The following EVA1C variants were observed in gnomAD, a reference collection of about 807,000 sequenced individuals.
EVA1C encodes the protein protein eva-1 homolog C.
A neutral mutation model predicts 45.4 loss-of-function variants in EVA1C; 25 were observed. The observed-to-expected ratio is 0.55, with a 90% confidence interval of 0.40 to 0.77. The LOEUF is 0.77. Ranked by LOEUF, EVA1C falls within the 30% of genes least tolerant of loss-of-function variation. EVA1C has a pLI of 0.00. For synonymous variants in EVA1C, 190 were observed against 221.2 expected, an observed-to-expected ratio of 0.86 and a Z score of 1.25; for missense variants, 479 against 554.8, an observed-to-expected ratio of 0.86 and a Z score of 1.37.
At chr21:32,429,752 C>T (rs2146150549) in intron 1 of EVA1C, among the ~76,000 whole-genome samples, 1 of 152,132 alleles carries the variant, frequency 6.6e-6, no homozygotes, top group East Asian at 1.9e-4. Flanking sequence ...ATAATGTAAT[C>T]CACATGTGTA....
chr21:32,504,881 G>A (rs1413747813), intron 7 of EVA1C, among the ~76,000 whole-genome samples: 1 of 151,860 alleles, frequency 6.6e-6, no homozygotes, highest in African/African-American at 2.4e-5. Context: ...AAGGAAAGAG[G>A]TTTAATGGAC....
chr21:32,480,022 A>G (rs962566294), intron 4 of EVA1C, among the ~76,000 whole-genome samples: 8 of 152,158 alleles, frequency 5.3e-5, no homozygotes, highest in East Asian at 1.9e-4. Flanking sequence ...GATGTTTGGA[A>G]TACCCTTTAA....
chr21:32,434,254 C>A (rs1209581860), intron 1 of EVA1C, among the ~76,000 whole-genome samples: 1 of 151,358 alleles, frequency 6.6e-6, no homozygotes, highest in Non-Finnish European at 1.5e-5. Context: ...CAAGATCGCA[C>A]CACTGCACTC....
At position 32,482,854 on chromosome 21, in the gene EVA1C, C is replaced by CTT. The variant is rs774611494; in HGVS notation, c.635-12153_635-12152dup. On this transcript the variant is annotated intron_variant, in intron 4 of 7. Transcript: ENST00000300255. Reference sequence around the variant, plus strand: ...GGTGGTCACATCCCAGTGTTATTCCCTTTTTTTTTTTTTTTTTTTTTGGAG... The same window carrying CTT: ...GGTGGTCACATCCCAGTGTTATTCCCTTTTTTTTTTTTTTTTTTTTTTTGGAG... Among the ~76,000 whole-genome samples the CTT allele has an allele frequency of 9.0e-3, 549 of 60,876 alleles. 3 individuals carry two copies. Among genetic ancestry groups the CTT allele is most frequent in the Middle Eastern group, 0.036 (4 of 110 alleles). 39.9% of individuals were successfully genotyped at this position (60,876 alleles called of 152,430 possible).
intron 1 of EVA1C, among the ~76,000 whole-genome samples, chr21:32,437,990 G>T (rs768479414): frequency 4.6e-5 from 7 of 152,110 alleles, no homozygotes; most frequent in Non-Finnish European, 1.0e-4. Flanking sequence ...GGTCTTTCCT[G>T]TTTCCGCTCT....
intron 3 of EVA1C, among the ~76,000 whole-genome samples, chr21:32,465,287 A>C (rs1269040048): frequency 6.6e-6 from 1 of 152,180 alleles, no homozygotes; most frequent in Non-Finnish European, 1.5e-5. Flanking sequence ...CAGGAAAGAA[A>C]AGTGGAAGAA....
chr21:32,466,814 A>C (rs1207429200), intron 3 of EVA1C, among the ~76,000 whole-genome samples: 1 of 138,776 alleles, frequency 7.2e-6, no homozygotes, highest in Admixed American at 7.8e-5. Context: ...GTATCATACC[A>C]TCTTTCTTGC....
At chr21:32,446,862 C>T (rs2146222613) in intron 1 of EVA1C, among the ~76,000 whole-genome samples, 1 of 152,242 alleles carries the variant, frequency 6.6e-6, no homozygotes, top group South Asian at 2.1e-4. Context: ...CCTGCAAATC[C>T]ACCTTGAAAT....
At position 32,500,190 on chromosome 21, in the gene EVA1C, ATTTTTTTT is replaced by A. The variant is rs538897939; in HGVS notation, c.779-1207_779-1200del. 1.8e-3 allele frequency among the ~76,000 whole-genome samples: 165 copies of A among 91,098 alleles called. 4 individuals carry two copies. In the South Asian group the frequency reaches 0.05, roughly 28 times the overall value. 59.8% of individuals were successfully genotyped at this position (91,098 alleles called of 152,430 possible). On this transcript the variant is annotated intron_variant, in intron 5 of 7. Transcript: ENST00000300255. ...GCTCATCTTCAGAGTTAACCACCCT[ATTTTTTTT>A]TTTTTTTTTTTTTTTTTGAGATAGA...
intron 5 of EVA1C, among the ~76,000 whole-genome samples, chr21:32,496,138 C>T (rs774258488): frequency 5.9e-5 from 9 of 152,160 alleles, no homozygotes; most frequent in Admixed American, 2.0e-4. Flanking sequence ...TAGCAGTCAG[C>T]CCACCAAATC....
At chr21:32,489,097 G>A (rs1446022694) in intron 4 of EVA1C, among the ~76,000 whole-genome samples, 4 of 152,190 alleles carry the variant, frequency 2.6e-5, no homozygotes, top group African/African-American at 9.7e-5. Context: ...TTGTGCAGAA[G>A]CTTTTTAGCT....
chr21:32,473,475 T>A (rs1436065849), intron 4 of EVA1C, among the ~76,000 whole-genome samples: 1 of 152,194 alleles, frequency 6.6e-6, no homozygotes, highest in Non-Finnish European at 1.5e-5. Context: ...AAAAGCACAC[T>A]GTTTTGACCT....
intron 4 of EVA1C, among the ~76,000 whole-genome samples, chr21:32,478,341 C>A (rs1048147638): frequency 6.6e-6 from 1 of 152,162 alleles, no homozygotes; most frequent in African/African-American, 2.4e-5. Flanking sequence ...GCCTCAGCCT[C>A]CCAAGTAGTT....
At chr21:32,424,221 A>G (rs927985720) in intron 1 of EVA1C, among the ~76,000 whole-genome samples, 2 of 152,108 alleles carry the variant, frequency 1.3e-5, no homozygotes, top group African/African-American at 2.4e-5. Context: ...GACTTAGAAG[A>G]TTTTTCACTC....
At chr21:32,470,123 G>A (rs1193981012) in intron 4 of EVA1C, among the ~76,000 whole-genome samples, 1 of 152,156 alleles carries the variant, frequency 6.6e-6, no homozygotes, top group Non-Finnish European at 1.5e-5. Flanking sequence ...ATGTTAAATT[G>A]CTACAATGTA....
intron 4 of EVA1C, among the ~76,000 whole-genome samples, chr21:32,475,879 T>TTATCTATCTATCTATCTATA: frequency 9.9e-6 from 1 of 100,536 alleles, no homozygotes; most frequent in Middle Eastern, 4.8e-3. Flanking sequence ...TCTAAAAACT[T>TTATCTATCTATCTATCTATA]TATCTATCTA....
chr21:32,444,091 C>CACAAAA (rs1555855221), intron 1 of EVA1C, among the ~76,000 whole-genome samples: 1 of 146,282 alleles, frequency 6.8e-6, no homozygotes, highest in Non-Finnish European at 1.5e-5. Flanking sequence ...CACACACACA[C>CACAAAA]AAACTCAAAG....
chr21:32,431,584 C>T (rs2034705998), intron 1 of EVA1C, among the ~76,000 whole-genome samples: 1 of 152,246 alleles, frequency 6.6e-6, no homozygotes, highest in African/African-American at 2.4e-5. Flanking sequence ...GATCCTATTA[C>T]ATCGCCAAGG....
intron 3 of EVA1C, among the ~76,000 whole-genome samples, chr21:32,460,320 C>A (rs1254868522): frequency 2.6e-5 from 4 of 152,210 alleles, no homozygotes; most frequent in Non-Finnish European, 5.9e-5. Context: ...GAGAGGCTTT[C>A]TCTGTCCAAA....
Sources: allele counts gnomAD v4.1 joint callset (sites outside exome capture counted in the v4.1 genomes callset), GRCh38; gene constraint gnomAD v4.1.1; transcripts MANE v1.5; gene names NCBI Gene and HGNC (gene_info 2026-07-23, HGNC 2026-07-21).